Variants in EXOC6B observed in about 807,000 individuals in gnomAD.
EXOC6B encodes the protein SEC15 homolog B.
Under a neutral mutation model 113.5 loss-of-function variants are expected in EXOC6B, and 54 were observed. The ratio of observed to expected loss-of-function variants is 0.48; its 90% CI spans 0.38 to 0.60. The LOEUF (loss-of-function observed/expected upper bound fraction) is 0.60, where lower values mean the gene tolerates loss of function less well. EXOC6B is among the 20% of genes least tolerant of loss of function. EXOC6B has a pLI of 0.00. For missense variants in EXOC6B, 797 were observed against 977.5 expected, an observed-to-expected ratio of 0.82 and a Z score of 2.46; for synonymous variants, 357 against 339.0, an observed-to-expected ratio of 1.05 and a Z score of -0.58.
At chr2:72,484,414 A>G (rs575567523) in intron 16 of EXOC6B, among the ~76,000 whole-genome samples, 1 of 151,446 alleles carries the variant, frequency 6.6e-6, no homozygotes, top group African/African-American at 2.4e-5. Context: ...AAAAAAAAAA[A>G]AATTCAGCTG....
intron 6 of EXOC6B, among the ~76,000 whole-genome samples, chr2:72,653,970 A>AT (rs58589218): frequency 0.025 from 3,462 of 136,420 alleles, 56 homozygotes; most frequent in Admixed American, 0.029. Context: ...AATTTTATTT[A>AT]TTTTTTTTTT....
chr2:72,526,337 C>G (rs1046255741), intron 8 of EXOC6B, among the ~76,000 whole-genome samples: 1 of 151,498 alleles, frequency 6.6e-6, no homozygotes, highest in Non-Finnish European at 1.5e-5. Flanking sequence ...AAAAAAAAAA[C>G]TAGGCATATA....
At chr2:72,636,803 ACAATTCTAGCCACTG>A (rs1672867988) in intron 6 of EXOC6B, among the ~76,000 whole-genome samples, 1 of 152,192 alleles carries the variant, frequency 6.6e-6, no homozygotes, top group African/African-American at 2.4e-5. Context: ...TATAGTACGT[ACAATTCTAGCCACTG>A]CAATGAGGCC....
chr2:72,523,613 C>T (rs1196514451), intron 8 of EXOC6B, among the ~76,000 whole-genome samples: 1 of 151,854 alleles, frequency 6.6e-6, no homozygotes, highest in East Asian at 1.9e-4. Flanking sequence ...CCCGTCTGTA[C>T]TACAAATACA....
chr2:72,464,027 C>A (rs76918471), intron 18 of EXOC6B: 1 of 152,114 alleles, frequency 6.6e-6, no homozygotes, highest in Admixed American at 6.6e-5. Flanking sequence ...ATCCCATTTG[C>A]GAGGCTCTAC....
intron 1 of EXOC6B, among the ~76,000 whole-genome samples, chr2:72,762,491 C>A (rs1282310548): frequency 6.6e-6 from 1 of 151,434 alleles, no homozygotes; most frequent in African/African-American, 2.4e-5. Flanking sequence ...GACTTCTCAT[C>A]CAAATTATAT....
chr2:72,417,568 T>C (rs899902574), intron 18 of EXOC6B, among the ~76,000 whole-genome samples: 2 of 152,238 alleles, frequency 1.3e-5, no homozygotes, highest in Non-Finnish European at 2.9e-5. Flanking sequence ...ACCTCTGTTA[T>C]ATAAAATAAA....
At chr2:72,792,457 C>T (rs1684727334) in intron 1 of EXOC6B, among the ~76,000 whole-genome samples, 1 of 152,156 alleles carries the variant, frequency 6.6e-6, no homozygotes, top group African/African-American at 2.4e-5. Flanking sequence ...GTTTCCTTGT[C>T]GTTACCATTT....
intron 20 of EXOC6B, among the ~76,000 whole-genome samples, chr2:72,274,536 A>G (rs1324837888): frequency 6.6e-6 from 1 of 152,280 alleles, no homozygotes; most frequent in East Asian, 1.9e-4. Context: ...TACAGGAAAG[A>G]CAAGAGTATT....
intron 2 of EXOC6B, among the ~76,000 whole-genome samples, chr2:72,736,193 TAA>T (rs970189355): frequency 1.5e-5 from 2 of 131,236 alleles, no homozygotes. Flanking sequence ...CTCAAAAAAT[TAA>T]AAAAAAAAAA....
chr2:72,740,030 T>C (rs1327679157), intron 2 of EXOC6B, among the ~76,000 whole-genome samples: 1 of 152,166 alleles, frequency 6.6e-6, no homozygotes, highest in African/African-American at 2.4e-5. Context: ...CATGCTAATA[T>C]TTCTGCAGCA....
At chr2:72,541,784 T>A (rs17008241) in intron 8 of EXOC6B, among the ~76,000 whole-genome samples, 30,721 of 152,128 alleles carry the variant, frequency 0.2, 4,837 homozygotes, top group African/African-American at 0.44. Context: ...TATTCCCAGC[T>A]ATTACACCAG....
At chr2:72,812,202 C>T (rs1350632388) in intron 1 of EXOC6B, among the ~76,000 whole-genome samples, 2 of 152,020 alleles carry the variant, frequency 1.3e-5, no homozygotes, top group Non-Finnish European at 2.9e-5. Flanking sequence ...ACAAGGTAAA[C>T]ATACAAAGAT....
chr2:72,580,139 T>A (rs1045658327), intron 6 of EXOC6B, among the ~76,000 whole-genome samples: 1 of 142,344 alleles, frequency 7.0e-6, no homozygotes, highest in Non-Finnish European at 1.5e-5. Flanking sequence ...ATAAGAATTT[T>A]TTTTTTTTTT....
rs182246423 is a variant in EXOC6B, at chr2:72,200,637, A to G, written c.2197-16450T>C. On this transcript the variant is annotated intron_variant, in intron 20 of 21. Coordinates refer to ENST00000272427, the MANE Select transcript of EXOC6B (RefSeq NM_015189.3). ...GCACAGGAGGAAACTGAGGTCTGGA[A>G]AGATTCATTACAGCAAAGCTACCAT... is the stretch of plus-strand genomic sequence containing the variant. 1.9e-3 allele frequency among the ~76,000 whole-genome samples: 287 copies of G among 152,302 alleles called. 7 individuals carry two copies. Among genetic ancestry groups the G allele is most frequent in the East Asian group, 6.6e-3 (34 of 5,178 alleles).
intron 18 of EXOC6B, among the ~76,000 whole-genome samples, chr2:72,393,698 G>T (rs1692537966): frequency 6.6e-6 from 1 of 152,046 alleles, no homozygotes; most frequent in African/African-American, 2.4e-5. Context: ...CTAAGCTTTA[G>T]TCTTGATTTC....
At chr2:72,761,661 T>C (rs1477990849) in intron 1 of EXOC6B, among the ~76,000 whole-genome samples, 5 of 152,190 alleles carry the variant, frequency 3.3e-5, no homozygotes, top group Admixed American at 2.6e-4. Flanking sequence ...AGATTGGCTA[T>C]GTTAGGTGGT....
At chr2:72,632,765 T>C (rs1349600442) in intron 6 of EXOC6B, among the ~76,000 whole-genome samples, 1 of 152,146 alleles carries the variant, frequency 6.6e-6, no homozygotes, top group Non-Finnish European at 1.5e-5. Flanking sequence ...CAGTGCAGTC[T>C]TGACCTCCTG....
In EXOC6B at chr2:72,211,307, T is replaced by C. The variant is rs889367208; in HGVS notation, c.2197-27120A>G. Among the ~76,000 whole-genome samples the C allele has an allele frequency of 9.8e-5, 15 of 152,326 alleles. 1 individual carries two copies. The highest frequency in any genetic ancestry group is 2.9e-4 in the African/African-American group (12 of 41,564). ...AAGGGCCCTTTTCCAGTTCTGAAAC[T>C]TACTTTCTATTAATAAATGTTCCAT... On this transcript the variant is annotated intron_variant, in intron 20 of 21. Transcript: ENST00000272427.
Sources: allele counts gnomAD v4.1 joint callset (sites outside exome capture counted in the v4.1 genomes callset), GRCh38; gene constraint gnomAD v4.1.1; transcripts MANE v1.5; gene names NCBI Gene and HGNC (gene_info 2026-07-23, HGNC 2026-07-21).